The following TSPAN14 variants were observed in gnomAD, a reference collection of about 807,000 sequenced individuals.
TSPAN14 encodes tetraspanin 14.
A neutral mutation model predicts 36.6 loss-of-function variants in TSPAN14; 16 were observed. That is an observed-to-expected ratio of 0.44 (90% confidence interval 0.30 to 0.66). The LOEUF (loss-of-function observed/expected upper bound fraction) is 0.66. TSPAN14 is among the 30% of genes least tolerant of loss of function. The pLI, the probability that TSPAN14 is intolerant of heterozygous loss-of-function variation, is 0.12. For synonymous variants in TSPAN14, 139 were observed against 143.8 expected, an observed-to-expected ratio of 0.97 and a Z score of 0.24; for missense variants, 231 against 355.1, an observed-to-expected ratio of 0.65 and a Z score of 2.81.
At chr10:80,477,501 A>C (rs1181610043) in intron 1 of TSPAN14, among the ~76,000 whole-genome samples, 1 of 152,228 alleles carries the variant, frequency 6.6e-6, no homozygotes, top group Non-Finnish European at 1.5e-5. Flanking sequence ...ATGAGAAAGA[A>C]AACAACAGCA....
intron 1 of TSPAN14, among the ~76,000 whole-genome samples, chr10:80,456,627 G>T (rs913019162): frequency 1.3e-5 from 2 of 152,276 alleles, no homozygotes; most frequent in African/African-American, 4.8e-5. Context: ...TGCCTGCAAA[G>T]TGGCATTGTG....
intron 2 of TSPAN14, among the ~76,000 whole-genome samples, chr10:80,498,801 C>G (rs1385827069): frequency 6.6e-6 from 1 of 152,180 alleles, no homozygotes; most frequent in Non-Finnish European, 1.5e-5. Flanking sequence ...CTTCCTGTGA[C>G]CTAGGAAAGA....
At chr10:80,492,478 T>TCAC (rs547747849) in intron 2 of TSPAN14, among the ~76,000 whole-genome samples, 109 of 152,334 alleles carry the variant, frequency 7.2e-4, no homozygotes, top group African/African-American at 2.5e-3. Context: ...TCCTAGGTGT[T>TCAC]GGGACAAATA....
At chr10:80,482,052 C>T (rs1048374587) in intron 1 of TSPAN14, among the ~76,000 whole-genome samples, 11 of 152,166 alleles carry the variant, frequency 7.2e-5, no homozygotes, top group Non-Finnish European at 1.5e-4. Flanking sequence ...TGCGCTCAGC[C>T]TACATGCAGA....
intron 1 of TSPAN14, among the ~76,000 whole-genome samples, chr10:80,456,260 G>C (rs575509606): frequency 1.3e-5 from 2 of 152,266 alleles, no homozygotes; most frequent in African/African-American, 2.4e-5. Context: ...GGGGTTGTGG[G>C]GGGGGTCTGA....
At chr10:80,471,113 A>G (rs569317262) in intron 1 of TSPAN14, among the ~76,000 whole-genome samples, 1 of 151,638 alleles carries the variant, frequency 6.6e-6, no homozygotes, top group East Asian at 1.9e-4. Context: ...ACTTGACTGC[A>G]CTTAGTGAAG....
At chr10:80,486,827 G>A (rs1847628350) in intron 1 of TSPAN14, among the ~76,000 whole-genome samples, 1 of 152,200 alleles carries the variant, frequency 6.6e-6, no homozygotes, top group South Asian at 2.1e-4. Context: ...TGAGTTTTAG[G>A]TTAAAAATTT....
chr10:80,498,468 T>A (rs1848316223), intron 2 of TSPAN14, among the ~76,000 whole-genome samples: 1 of 152,102 alleles, frequency 6.6e-6, no homozygotes, highest in South Asian at 2.1e-4. Context: ...CTTTCCTACC[T>A]CACTTGAAAA....
chr10:80,521,883 C>T (rs1249521195), exon 9 of TSPAN14: 2 of 146,296 alleles, frequency 1.4e-5, no homozygotes, highest in East Asian at 2.0e-4. Flanking sequence ...GAGATCACAC[C>T]ACTGCACTCC....
chr10:80,460,501 C>T (rs139915934), intron 1 of TSPAN14, among the ~76,000 whole-genome samples: 1 of 152,242 alleles, frequency 6.6e-6, no homozygotes, highest in East Asian at 1.9e-4. Flanking sequence ...TGTCAGTATC[C>T]CGTGGTTGGC....
At chr10:80,512,621 C>T (rs944666895) in intron 6 of TSPAN14, among the ~76,000 whole-genome samples, 1 of 152,166 alleles carries the variant, frequency 6.6e-6, no homozygotes, top group African/African-American at 2.4e-5. Context: ...TCCTAGAACT[C>T]AACAGTGCAC....
chr10:80,485,534 C>A, intron 1 of TSPAN14: 1 of 667,162 alleles, frequency 1.5e-6, no homozygotes, highest in Non-Finnish European at 1.9e-6. Flanking sequence ...AGTCAGAAGG[C>A]CACCTTACAC....
intron 1 of TSPAN14, among the ~76,000 whole-genome samples, chr10:80,486,773 A>G (rs941016888): frequency 5.9e-5 from 9 of 152,212 alleles, no homozygotes; most frequent in African/African-American, 2.2e-4. Context: ...CTGCCTCATA[A>G]GGCATTTCCA....
At chr10:80,502,958 G>A (rs984632601) in intron 2 of TSPAN14, among the ~76,000 whole-genome samples, 4 of 152,078 alleles carry the variant, frequency 2.6e-5, no homozygotes, top group Non-Finnish European at 4.4e-5. Flanking sequence ...GCAGTCAGGG[G>A]CATATGCTTG....
chr10:80,505,727 A>T (rs777894191), intron 3 of TSPAN14, among the ~76,000 whole-genome samples: 1 of 152,192 alleles, frequency 6.6e-6, no homozygotes, highest in Non-Finnish European at 1.5e-5. Context: ...AGCAGGTTCA[A>T]TCTGTGCCTC....
chr10:80,512,001 T>G, intron 5 of TSPAN14, 143 bp from the exon 6 acceptor site: 2 of 1,301,300 alleles, frequency 1.5e-6, no homozygotes, highest in Non-Finnish European at 2.1e-6. Flanking sequence ...TCTCTGCACA[T>G]GGGAGGTAGG....
chr10:80,499,340 G>T (rs1205737367), intron 2 of TSPAN14, among the ~76,000 whole-genome samples: 1 of 152,160 alleles, frequency 6.6e-6, no homozygotes, highest in Non-Finnish European at 1.5e-5. Context: ...CTTTCGCAAG[G>T]TCATTTGCCT....
intron 2 of TSPAN14, among the ~76,000 whole-genome samples, chr10:80,497,750 T>C (rs1848271070): frequency 6.6e-6 from 1 of 152,230 alleles, no homozygotes. Flanking sequence ...AACTCTGTTA[T>C]CTGGCAACAC....
chr10:80,521,773 A>C (rs1841276685), exon 9 of TSPAN14: 1 of 152,080 alleles, frequency 6.6e-6, no homozygotes, highest in South Asian at 2.1e-4. Flanking sequence ...AATACAAAAA[A>C]ATTAGCCGGG....
Sources: gnomAD v4.1 joint callset for allele counts (sites outside exome capture counted in the v4.1 genomes callset) on GRCh38, gnomAD v4.1.1 for gene constraint, MANE v1.5 for transcripts, NCBI Gene and HGNC (gene_info 2026-07-23, HGNC 2026-07-21) for gene names.